TARS1: variants seen among roughly 807,000 people sequenced by gnomAD.
TARS1 encodes threonyl-tRNA synthetase 1.
Under a neutral mutation model 97.7 loss-of-function variants are expected in TARS1, and 57 were observed. That is an observed-to-expected ratio of 0.58 (90% CI 0.47 to 0.73). TARS1 has a LOEUF of 0.73. Among genes scored for constraint, TARS1 ranks in the 30% least tolerant of loss-of-function variants. The pLI, the probability that TARS1 is intolerant of heterozygous loss-of-function variation, is 0.00. For missense variants in TARS1, 806 were observed against 888.3 expected (o/e 0.91, Z 1.18); for synonymous variants, 312 against 293.7 (o/e 1.06, Z -0.64).
At chr5:33,463,644 T>A in intron 16 of TARS1, 109 bp from the exon 17 acceptor site, 1 of 960,288 alleles carries the variant, frequency 1.0e-6, no homozygotes, top group East Asian at 2.7e-5. Flanking sequence ...TTAAAAGTAG[T>A]CGTTACATGT....
Position 33,455,656 on chromosome 5 carries a change from T to G in TARS1, c.645T>G (p.Ala215=). The change falls in exon 6 of 19, where the codon GCT becomes GCG. Residue 215 remains alanine (A), a synonymous_variant. Transcript: ENST00000265112. ...AGAAAATCATTAAAGAAAAACAAGC[T>G]TTTGAAAGACTGGAAGTTAAGAAAG... is the stretch of plus-strand genomic sequence containing the variant. The part of the protein sequence containing the change: ...LCKKIIKEKQ[A]FERLEVKKET... 6.2e-7 allele frequency: 1 copy of G among 1,613,072 alleles called. No homozygotes were observed. Among genetic ancestry groups the G allele is most frequent in the Non-Finnish European group, 8.5e-7 (1 of 1,179,334 alleles).
At chr5:33,466,806 T>A in intron 17 of TARS1, 65 bp from the exon 18 acceptor site, 1 of 1,172,366 alleles carries the variant, frequency 8.5e-7, no homozygotes, top group Non-Finnish European at 1.2e-6. Flanking sequence ...TTCAGTAAAA[T>A]CATGTGAGAT....
Position 33,463,742 on chromosome 5 carries a change from C to G in TARS1, c.1836-11C>G. 1 of 1,607,420 alleles carries G rather than the reference C, an allele frequency of 6.2e-7. No homozygotes were observed. The highest frequency in any genetic ancestry group is 8.5e-7 in the Non-Finnish European group (1 of 1,175,960). On this transcript the variant is annotated splice_polypyrimidine_tract_variant and intron_variant, in intron 16 of 18. Coordinates refer to ENST00000265112, the MANE Select transcript of TARS1 (RefSeq NM_152295.5). The stretch of plus-strand genomic sequence containing the variant: ...CACATCTACACTGAATATTTTTATT[C>G]TCTTCCAAAGGCCCTTTTGGCTGTC...
intron 16 of TARS1, among the ~76,000 whole-genome samples, chr5:33,462,978 C>T (rs1347603926): frequency 1.3e-5 from 2 of 152,168 alleles, no homozygotes; most frequent in Non-Finnish European, 1.5e-5. Context: ...CTCTAGATTT[C>T]TCAAAGTCAG....
At position 33,459,867 on chromosome 5, in the gene TARS1, C is replaced by T. The variant is rs755735114; in HGVS notation, c.1250+6C>T. ...ATGAACTGCCCAGGACACTGGTATT[C>T]GGCAGCTTTGAATTTCTACTGAAGA... On this transcript the variant is annotated splice_donor_region_variant and intron_variant, in intron 11 of 18. Transcript: ENST00000265112. 2.1e-5 allele frequency: 34 copies of T among 1,602,200 alleles called. No individual in the cohort carries two copies. The highest frequency in any genetic ancestry group is 9.0e-5 in the East Asian group (4 of 44,622).
At position 33,467,689 on chromosome 5, in the gene TARS1, A is replaced by T; in HGVS notation, c.2153A>T (p.Gln718Leu). 6.2e-7 allele frequency: 1 copy of T among 1,610,146 alleles called. No homozygotes were observed. Among genetic ancestry groups the T allele is most frequent in the Middle Eastern group, 1.7e-4 (1 of 6,044 alleles). Residue 718 changes from glutamine to leucine, a missense_variant, in exon 19 of 19, where the codon CAG becomes CTG. Physicochemically the swap from Gln to Leu is moderately radical, Grantham distance 113. This residue lies in a region of TARS1 where 446 missense variants were observed against 511.0 expected (regional missense o/e 0.87). Coordinates refer to ENST00000265112, the MANE Select transcript of TARS1 (RefSeq NM_152295.5). Reference protein sequence around the residue: ...LQQLKEFRSKQAEEEF With the variant: ...LQQLKEFRSKLAEEEF ...CAGCTCAAAGAGTTCCGCAGCAAAC[A>T]GGCAGAAGAAGAATTTTAATGAAAA...
At chr5:33,459,012 A>G (rs1554013100) in intron 10 of TARS1, among the ~76,000 whole-genome samples, 1 of 152,324 alleles carries the variant, frequency 6.6e-6, no homozygotes, top group African/African-American at 2.4e-5. Context: ...AGAGAATAGT[A>G]TATCCAATAT....
Position 33,456,185 on chromosome 5 carries a change from T to C in TARS1, c.795T>C (p.His265=), listed in dbSNP as rs145682810. The C allele has an allele frequency of 1.2e-6, 2 of 1,614,086 alleles. No homozygotes were observed. The highest frequency in any genetic ancestry group is 3.3e-5 in the Admixed American group (2 of 60,004). ...GPLIDLCRGP[H]VRHTGKIKAL... Reference sequence around the variant, plus strand: ...TGATAGATCTCTGCCGGGGTCCTCATGTTAGACACACGGGCAAAATTAAGG... The same window carrying C: ...TGATAGATCTCTGCCGGGGTCCTCACGTTAGACACACGGGCAAAATTAAGG... Residue 265 remains histidine (H), a synonymous_variant, in exon 8 of 19, where the codon CAT becomes CAC. Coordinates refer to ENST00000265112, the MANE Select transcript of TARS1 (RefSeq NM_152295.5).
rs944715048 is a variant in TARS1 at position 33,455,156 on chromosome 5, A to G, written c.575+90A>G. ...GAGTTCTCAGTAAGGGAGGAATGAT[A>G]TAGATCTCACTGCTTCTTCATCAGG... On this transcript the variant is annotated intron_variant, in intron 5 of 18. Coordinates refer to ENST00000265112, the MANE Select transcript of TARS1 (RefSeq NM_152295.5). 33 of 1,496,654 alleles carry G rather than the reference A, an allele frequency of 2.2e-5. No homozygotes were observed. The East Asian group carries it at 6.8e-4, about 31-fold the overall frequency. 92.7% of individuals were successfully genotyped at this position (1,496,654 alleles called of 1,614,324 possible).
At chr5:33,448,997 G>A (rs1741568229) in intron 3 of TARS1, among the ~76,000 whole-genome samples, 1 of 152,080 alleles carries the variant, frequency 6.6e-6, no homozygotes, top group Admixed American at 6.5e-5. Context: ...GATTATAAAT[G>A]TTACAAAACC....
chr5:33,463,445 C>T (rs895738649), intron 16 of TARS1, among the ~76,000 whole-genome samples: 2 of 152,208 alleles, frequency 1.3e-5, no homozygotes, highest in African/African-American at 4.8e-5. Context: ...ACAGCCAATA[C>T]ACAGTGTTTT....
intron 11 of TARS1, among the ~76,000 whole-genome samples, chr5:33,460,127 C>T (rs757831091): frequency 6.6e-5 from 10 of 151,684 alleles, no homozygotes; most frequent in Admixed American, 2.0e-4. Flanking sequence ...CCACCATGCC[C>T]AGCTAATTTT....
chr5:33,449,445 CTTTTTT>C (rs57691465), intron 3 of TARS1, among the ~76,000 whole-genome samples: 14 of 69,162 alleles, frequency 2.0e-4, no homozygotes, highest in African/African-American at 6.4e-4. Flanking sequence ...TTTTTTCTTT[CTTTTTT>C]TTTTTTTTTT....
rs537663679 is a variant in TARS1, at chr5:33,445,902, A to G, written c.138+498A>G. ...TCCCCTTAAGGCCTCTCAAGTCTGC[A>G]GAAAATGCTTTCACTTCTCCAGGCT... On this transcript the variant is annotated intron_variant, in intron 2 of 18. Transcript: ENST00000265112. Among the ~76,000 whole-genome samples the G allele has an allele frequency of 2.0e-5, 3 of 152,354 alleles. No homozygotes were observed. In the East Asian group the frequency reaches 5.8e-4, roughly 29 times the overall value.
At chr5:33,455,132 A>G (rs1741951296) in intron 5 of TARS1, 66 bp downstream of exon 5, 1 of 1,583,440 alleles carries the variant, frequency 6.3e-7, no homozygotes, top group Non-Finnish European at 8.6e-7. Flanking sequence ...TATTCTTAAG[A>G]GTTCTCAGTA....
At position 33,457,408 on chromosome 5, in the gene TARS1, G is replaced by T. The variant is rs1444246748; in HGVS notation, c.984+5G>T. 1.1e-5 allele frequency: 17 copies of T among 1,613,794 alleles called. No individual in the cohort carries two copies. Among genetic ancestry groups the T allele is most frequent in the Non-Finnish European group, 1.4e-5 (17 of 1,179,824 alleles). ...GATCATAGGAAAATTGGCAGGGTAT[G>T]TTCAAGAACAATGATGTGTCTTGAC... On this transcript the variant is annotated splice_donor_5th_base_variant and intron_variant, in intron 9 of 18. Coordinates refer to ENST00000265112, the MANE Select transcript of TARS1 (RefSeq NM_152295.5).
chr5:33,443,475 CT>C (rs199902596), intron 1 of TARS1, among the ~76,000 whole-genome samples: 8,255 of 130,232 alleles, frequency 0.063, 309 homozygotes, highest in East Asian at 0.2. Flanking sequence ...ATTTTTCTTT[CT>C]TTTTTTTTTT....
chr5:33,450,546 G>A lies in TARS1; in HGVS notation c.329+1815G>A, dbSNP rs1336689273. On this transcript the variant is annotated intron_variant, in intron 3 of 18. Transcript: ENST00000265112. ...CTTACTCCAAAGGAAGTAAAAAGTT[G>A]TAATACCATGCAAGTTTCTATGTGA... Among the ~76,000 whole-genome samples, 3 of 152,168 alleles carry A rather than the reference G, an allele frequency of 2.0e-5. No homozygotes were observed. The East Asian group carries it at 5.8e-4, about 29-fold the overall frequency.
intron 17 of TARS1, among the ~76,000 whole-genome samples, chr5:33,464,426 A>G (rs758289961): frequency 2.6e-5 from 4 of 152,176 alleles, no homozygotes; most frequent in Non-Finnish European, 5.9e-5. Flanking sequence ...TTGCCTCTCT[A>G]CCAAAAAAAC....
Sources: gnomAD v4.1 joint callset for allele counts (sites outside exome capture counted in the v4.1 genomes callset) on GRCh38, gnomAD v4.1.1 for gene constraint, gnomAD v4.1.1 regional missense constraint, MANE v1.5 for transcripts, NCBI Gene and HGNC (gene_info 2026-07-23, HGNC 2026-07-21) for gene names.